CASC3: variants seen among roughly 807,000 people sequenced by gnomAD.
The protein encoded by CASC3 is protein CASC3.
In CASC3, 30 loss-of-function variants were observed where a neutral mutation model predicts 80.5. That is an observed-to-expected ratio of 0.37 (90% confidence interval 0.28 to 0.51). The LOEUF (loss-of-function observed/expected upper bound fraction) is 0.51. CASC3 is among the 20% of genes least tolerant of loss of function. CASC3 has a pLI of 0.94. For missense variants in CASC3, 824 were observed against 922.2 expected (o/e 0.89, Z 1.38); for synonymous variants, 312 against 333.6 (o/e 0.94, Z 0.70).
chr17:40,162,045 C>T lies in CASC3; in HGVS notation c.500C>T (p.Pro167Leu), dbSNP rs1321755154. ...PVENKVGKKG[P>L]KHLDDDEDRK... The stretch of plus-strand genomic sequence containing the variant: ...GAGAACAAAGTGGGTAAAAAGGGCC[C>T]TAAGCATTTGGATGATGATGAAGAT... Residue 167 changes from proline (P) to leucine (L), a missense_variant, in exon 5 of 14, where the codon CCT becomes CTT. Physicochemically the swap from Pro to Leu is moderately conservative, Grantham distance 98. Around this residue, in one of 3 missense-constraint regions of CASC3, gnomAD observed 201 missense variants for 294.1 expected, o/e 0.68. Coordinates refer to ENST00000264645, the MANE Select transcript of CASC3 (RefSeq NM_007359.5). The T allele has an allele frequency of 6.2e-7, 1 of 1,614,098 alleles. No homozygotes were observed. The highest frequency in any genetic ancestry group is 1.7e-5 in the Admixed American group (1 of 60,000).
chr17:40,162,278 T>A, intron 5 of CASC3, 125 bp downstream of exon 5: 1 of 1,049,028 alleles, frequency 9.5e-7, no homozygotes, highest in Non-Finnish European at 1.4e-6. Flanking sequence ...ATCCTTATCG[T>A]ACAAATGAGG....
intron 3 of CASC3, among the ~76,000 whole-genome samples, chr17:40,150,809 G>A (rs910455416): frequency 3.9e-5 from 6 of 152,102 alleles, no homozygotes; most frequent in South Asian, 2.1e-4. Context: ...TCAGGAGATC[G>A]AGATCATCCT....
Position 40,171,695 on chromosome 17 carries a change from C to T in CASC3, c.*1290C>T. On this transcript the variant is annotated 3_prime_UTR_variant, in exon 14 of 14. Transcript: ENST00000264645. ...TCTGTGGAAGAGATTCCTATTACTGCAGTACATACGTCTGCCAGGGGTAAC... is the reference window on the plus strand; with the variant it reads ...TCTGTGGAAGAGATTCCTATTACTGTAGTACATACGTCTGCCAGGGGTAAC... The T allele has an allele frequency of 9.3e-7, 1 of 1,070,334 alleles. No individual in the cohort carries two copies. The allele number at this position is 1,070,334 out of a possible 1,614,324, so 66.3% of individuals were successfully genotyped here. A position where few individuals can be genotyped will look rare whatever the true frequency, so the allele number is the denominator to read the frequency against.
intron 3 of CASC3, among the ~76,000 whole-genome samples, chr17:40,159,711 ATTTTTTTTTTTTT>A (rs71152647): frequency 2.1e-5 from 2 of 93,168 alleles, no homozygotes; most frequent in Non-Finnish European, 4.2e-5. Context: ...TTCCTGGCGA[ATTTTTTTTTTTTT>A]TTTTTTTTTT....
intron 3 of CASC3, among the ~76,000 whole-genome samples, chr17:40,153,967 AG>A (rs1273423868): frequency 6.6e-6 from 1 of 151,988 alleles, no homozygotes; most frequent in Admixed American, 6.6e-5. Context: ...CCAGCTATTC[AG>A]GTGGCTGAGG....
chr17:40,149,571 AAGAG>A (rs1487560093), intron 3 of CASC3, among the ~76,000 whole-genome samples: 1 of 152,188 alleles, frequency 6.6e-6, no homozygotes, highest in Admixed American at 6.5e-5. Context: ...AGGGGGAAAA[AAGAG>A]AGGGAATAGA....
rs114399794 is a variant in CASC3, at chr17:40,171,200, T to C, written c.*795T>C. ...CATCAATACCTGTACTATGATGGGCTTCTGTTCTCTGCTGAGGGCCAATAC... is the reference window on the plus strand; with the variant it reads ...CATCAATACCTGTACTATGATGGGCCTCTGTTCTCTGCTGAGGGCCAATAC... On this transcript the variant is annotated 3_prime_UTR_variant, in exon 14 of 14. Transcript: ENST00000264645. The C allele has an allele frequency of 3.3e-3, 3,261 of 985,916 alleles. 103 individuals are homozygous for C. The African/African-American group carries it at 0.054, about 16-fold the overall frequency. 61.1% of individuals were successfully genotyped at this position (985,916 alleles called of 1,614,324 possible).
chr17:40,171,010 C>T lies in CASC3; in HGVS notation c.*605C>T. The T allele has an allele frequency of 1.0e-6, 1 of 985,538 alleles. No homozygotes were observed. The highest frequency in any genetic ancestry group is 1.2e-6 in the Non-Finnish European group (1 of 829,950). 61.0% of individuals were successfully genotyped at this position (985,538 alleles called of 1,614,324 possible). ...CCAAGTCTAAAAAGACCTGGCCTTT[C>T]ACTTTTAGTTGGCATTTGTTATCCT... On this transcript the variant is annotated 3_prime_UTR_variant, in exon 14 of 14. Coordinates refer to ENST00000264645, the MANE Select transcript of CASC3 (RefSeq NM_007359.5).
intron 7 of CASC3, 109 bp from the exon 8 acceptor site, chr17:40,166,688 G>T: frequency 1.5e-6 from 1 of 665,234 alleles, no homozygotes; most frequent in East Asian, 3.3e-5. Context: ...TTAGTTAAAA[G>T]AAAAAAGGCA....
intron 3 of CASC3, among the ~76,000 whole-genome samples, chr17:40,145,083 A>G (rs1988823394): frequency 6.7e-6 from 1 of 149,554 alleles, no homozygotes; most frequent in African/African-American, 2.5e-5. Flanking sequence ...CTGGTCTCGA[A>G]CTCCTGACCT....
At chr17:40,150,657 T>C (rs1263355298) in intron 3 of CASC3, among the ~76,000 whole-genome samples, 1 of 152,014 alleles carries the variant, frequency 6.6e-6, no homozygotes. Context: ...AATGGATGCA[T>C]TGAAAAATTA....
chr17:40,162,434 A>G (rs948339008), intron 5 of CASC3, among the ~76,000 whole-genome samples: 3 of 151,952 alleles, frequency 2.0e-5, no homozygotes, highest in Non-Finnish European at 4.4e-5. Flanking sequence ...GAAGTGAAAT[A>G]CTTGCATAGG....
chr17:40,149,941 G>A (rs1448008548), intron 3 of CASC3, among the ~76,000 whole-genome samples: 1 of 152,050 alleles, frequency 6.6e-6, no homozygotes, highest in Admixed American at 6.6e-5. Context: ...AGAGGGAATA[G>A]ATAATAATAT....
Position 40,156,968 on chromosome 17 carries a change from G to A in CASC3, c.298-4785G>A, listed in dbSNP as rs145033614. On this transcript the variant is annotated intron_variant, in intron 3 of 13. Transcript: ENST00000264645. ...TGAGGCAGGAGGATCACTCGAGCCC[G>A]GGAGTTTGAGGCTGCAGCAAGCCAT... Among the ~76,000 whole-genome samples the A allele has an allele frequency of 2.0e-3, 297 of 151,980 alleles. 5 individuals are homozygous for A. Among genetic ancestry groups the A allele is most frequent in the African/African-American group, 6.7e-3 (279 of 41,450 alleles).
intron 3 of CASC3, among the ~76,000 whole-genome samples, chr17:40,143,546 T>C (rs1016360984): frequency 4.6e-5 from 7 of 151,952 alleles, no homozygotes; most frequent in Non-Finnish European, 8.8e-5. Context: ...TAAAAATAAC[T>C]ATTGGCTGGG....
chr17:40,153,239 T>C (rs1989056312), intron 3 of CASC3, among the ~76,000 whole-genome samples: 1 of 152,132 alleles, frequency 6.6e-6, no homozygotes, highest in Non-Finnish European at 1.5e-5. Context: ...GATCATGTGG[T>C]GGTTATCTTT....
chr17:40,144,657 T>C, intron 3 of CASC3, among the ~76,000 whole-genome samples: 1 of 140,912 alleles, frequency 7.1e-6, no homozygotes, highest in East Asian at 2.1e-4. Flanking sequence ...TGCCCAGCCC[T>C]CTTTTTTTTT....
chr17:40,169,095 AG>A lies in CASC3; in HGVS notation c.1966-227del, dbSNP rs551119312. The A allele has an allele frequency of 4.1e-3, 1,783 of 435,272 alleles. 6 individuals are homozygous for A. Among genetic ancestry groups the A allele is most frequent in the Non-Finnish European group, 4.8e-3 (1,178 of 246,670 alleles). The allele number at this position is 435,272 out of a possible 1,614,324, so 27.0% of individuals were successfully genotyped here. A position where few individuals can be genotyped will look rare whatever the true frequency, so the allele number is the denominator to read the frequency against. On this transcript the variant is annotated intron_variant, in intron 11 of 13. Transcript: ENST00000264645. ...CCTTTTCCATTTGTCAGCTGATGGT[AG>A]GAATTAGAGAAAGCTGGGCAGTACT...
chr17:40,165,865 A>G lies in CASC3; in HGVS notation c.1472-932A>G, dbSNP rs1380004995. ...ACTGCAACCTCCGCCTCCAGGGCTC[A>G]AGCAATCCTCCCATCTCAGCCTCCT... is the stretch of plus-strand genomic sequence containing the variant. On this transcript the variant is annotated intron_variant, in intron 7 of 13. Coordinates refer to ENST00000264645, the MANE Select transcript of CASC3 (RefSeq NM_007359.5). Among the ~76,000 whole-genome samples the G allele has an allele frequency of 2.6e-5, 4 of 151,396 alleles. No homozygotes were observed. In the Admixed American group the frequency reaches 2.6e-4, roughly 10 times the overall value.
Sources: allele counts gnomAD v4.1 joint callset (sites outside exome capture counted in the v4.1 genomes callset), GRCh38; gene constraint gnomAD v4.1.1; regional missense constraint gnomAD v4.1.1; transcripts MANE v1.5; gene names NCBI Gene and HGNC (gene_info 2026-07-23, HGNC 2026-07-21).